Variants in DCC observed in about 807,000 individuals in gnomAD.
DCC encodes netrin receptor DCC.
DCC carries 58 observed loss-of-function variants against 172.5 expected under a neutral mutation model. That is an observed-to-expected ratio of 0.34 (90% confidence interval 0.27 to 0.42). The LOEUF is 0.42. Ranked by LOEUF, DCC falls within the 10% of genes least tolerant of loss-of-function variation. The probability of loss-of-function intolerance (pLI) is 1.00; values close to 1 mark genes in which losing one functional copy is unlikely to be tolerated. For synonymous variants in DCC, 709 were observed against 644.5 expected, an observed-to-expected ratio of 1.10 and a Z score of -1.52; for missense variants, 1,740 against 1,791.0, an observed-to-expected ratio of 0.97 and a Z score of 0.51.
chr18:53,058,601 T>G (rs1388374049), intron 5 of DCC, among the ~76,000 whole-genome samples: 1 of 152,096 alleles, frequency 6.6e-6, no homozygotes, highest in Non-Finnish European at 1.5e-5. Flanking sequence ...AGTCTGATCA[T>G]CACTGAGAAA....
In DCC at chr18:52,984,907, G is replaced by T. The variant is rs139250871; in HGVS notation, c.985+59537G>T. On this transcript the variant is annotated intron_variant, in intron 5 of 28. Transcript: ENST00000442544. ...TTATTTGACTATGACTTTCCATTTT[G>T]CTTTTTCTAGAATTTTAAAATGACA... 6.4e-3 allele frequency among the ~76,000 whole-genome samples: 966 copies of T among 151,948 alleles called. 10 individuals are homozygous for T. The highest frequency in any genetic ancestry group is 0.034 in the Middle Eastern group (10 of 294).
intron 7 of DCC, among the ~76,000 whole-genome samples, chr18:53,119,582 A>G (rs2043454611): frequency 6.6e-6 from 1 of 151,914 alleles, no homozygotes; most frequent in South Asian, 2.1e-4. Context: ...ATTTTAAAAT[A>G]GTTCTAGTTG....
At chr18:53,119,349 T>C (rs1322951898) in intron 7 of DCC, among the ~76,000 whole-genome samples, 3 of 151,810 alleles carry the variant, frequency 2.0e-5, no homozygotes, top group African/African-American at 4.8e-5. Context: ...GAAAATATCA[T>C]TTTTGTGTAC....
chr18:52,815,676 A>G (rs1463463203), intron 2 of DCC, among the ~76,000 whole-genome samples: 2 of 152,352 alleles, frequency 1.3e-5, no homozygotes, highest in Admixed American at 6.5e-5. Flanking sequence ...TCATGTTTAC[A>G]AAACAAAATA....
intron 7 of DCC, among the ~76,000 whole-genome samples, chr18:53,118,821 G>A (rs1470130734): frequency 6.6e-6 from 1 of 151,654 alleles, no homozygotes; most frequent in Non-Finnish European, 1.5e-5. Context: ...TCCAAAGCCT[G>A]TCGGGAGGCA....
At chr18:53,363,808 C>T (rs1179195659) in intron 15 of DCC, among the ~76,000 whole-genome samples, 1 of 152,146 alleles carries the variant, frequency 6.6e-6, no homozygotes, top group Non-Finnish European at 1.5e-5. Context: ...TTTAGTCTCT[C>T]TGAAAACAAG....
At chr18:52,575,412 T>G (rs746402121) in intron 1 of DCC, among the ~76,000 whole-genome samples, 9 of 152,190 alleles carry the variant, frequency 5.9e-5, no homozygotes, top group Non-Finnish European at 1.3e-4. Flanking sequence ...ATTACTCACG[T>G]TATTCACTGC....
At position 52,916,810 on chromosome 18, in the gene DCC, A is replaced by G. The variant is rs181271057; in HGVS notation, c.698-6897A>G. On this transcript the variant is annotated intron_variant, in intron 3 of 28. Coordinates refer to ENST00000442544, the MANE Select transcript of DCC (RefSeq NM_005215.4). Reference sequence around the variant, plus strand: ...GTTTGTTTGAGATCAGATTGTTTCTATGTAATTCGACCAAAACAACATAAC... The same window carrying G: ...GTTTGTTTGAGATCAGATTGTTTCTGTGTAATTCGACCAAAACAACATAAC... Among the ~76,000 whole-genome samples the G allele has an allele frequency of 2.1e-3, 318 of 152,250 alleles. 1 individual carries two copies. The highest frequency in any genetic ancestry group is 7.3e-3 in the African/African-American group (302 of 41,566).
chr18:53,039,478 TA>T (rs2042140147), intron 5 of DCC, among the ~76,000 whole-genome samples: 1 of 152,052 alleles, frequency 6.6e-6, no homozygotes, highest in Non-Finnish European at 1.5e-5. Flanking sequence ...CGTAGCCAAC[TA>T]GAATGTTAAA....
At chr18:52,785,598 C>T (rs1228174886) in intron 2 of DCC, among the ~76,000 whole-genome samples, 3 of 151,934 alleles carry the variant, frequency 2.0e-5, no homozygotes, top group Non-Finnish European at 4.4e-5. Flanking sequence ...AAAGGTGTGT[C>T]CATGTTTGTT....
At chr18:52,526,828 T>A (rs2031997805) in intron 1 of DCC, among the ~76,000 whole-genome samples, 1 of 152,136 alleles carries the variant, frequency 6.6e-6, no homozygotes, top group African/African-American at 2.4e-5. Context: ...ATTTCATAGA[T>A]CCATCTATTT....
intron 21 of DCC, among the ~76,000 whole-genome samples, chr18:53,427,418 G>C (rs541475650): frequency 2.0e-5 from 3 of 151,984 alleles, no homozygotes; most frequent in East Asian, 1.9e-4. Context: ...ATTCTATTAA[G>C]AATTCAATTG....
chr18:52,589,927 A>T (rs2033760044), intron 1 of DCC, among the ~76,000 whole-genome samples: 1 of 152,164 alleles, frequency 6.6e-6, no homozygotes, highest in Admixed American at 6.5e-5. Context: ...TCACTGCTGA[A>T]TTTTTTGTTG....
intron 12 of DCC, among the ~76,000 whole-genome samples, chr18:53,232,713 A>G (rs531569028): frequency 3.3e-5 from 5 of 152,278 alleles, no homozygotes; most frequent in African/African-American, 9.6e-5. Flanking sequence ...ATTATTTGAC[A>G]CACCATTCCA....
In DCC at chr18:52,363,640, A is replaced by G. The variant is rs528001654; in HGVS notation, c.91+22762A>G. On this transcript the variant is annotated intron_variant, in intron 1 of 28. Transcript: ENST00000442544. ...GGGCACAAGGCCAAAAAAGAGAACT[A>G]GGCTCTACTGGTCAATTAAAAAATA... Among the ~76,000 whole-genome samples, 5 of 152,300 alleles carry G rather than the reference A, an allele frequency of 3.3e-5. No homozygotes were observed. The South Asian group carries it at 8.3e-4, about 25-fold the overall frequency.
chr18:53,440,987 C>T (rs567442018), intron 22 of DCC, among the ~76,000 whole-genome samples: 34 of 152,336 alleles, frequency 2.2e-4, no homozygotes, highest in African/African-American at 7.2e-4. Context: ...GTTGTGGGCA[C>T]ATGTCCTGTT....
intron 1 of DCC, among the ~76,000 whole-genome samples, chr18:52,381,833 TC>T (rs1363244648): frequency 8.0e-4 from 122 of 152,252 alleles, no homozygotes; most frequent in African/African-American, 2.8e-3. Context: ...GTATAAGACA[TC>T]TTTAGCATAT....
intron 12 of DCC, among the ~76,000 whole-genome samples, chr18:53,286,498 T>G (rs2056937342): frequency 6.6e-6 from 1 of 152,168 alleles, no homozygotes; most frequent in South Asian, 2.1e-4. Context: ...ATAAACCTCT[T>G]TCTTTTGTAA....
chr18:52,788,899 C>A (rs2145200910), intron 2 of DCC, among the ~76,000 whole-genome samples: 1 of 152,214 alleles, frequency 6.6e-6, no homozygotes, highest in South Asian at 2.1e-4. Flanking sequence ...TTTTACCATG[C>A]ATTTCATTGC....
Sources: gnomAD v4.1 joint callset for allele counts (sites outside exome capture counted in the v4.1 genomes callset) on GRCh38, gnomAD v4.1.1 for gene constraint, MANE v1.5 for transcripts, NCBI Gene and HGNC (gene_info 2026-07-23, HGNC 2026-07-21) for gene names.